SLCO3A1: variants seen among roughly 807,000 people sequenced by gnomAD.
SLCO3A1 encodes PGE1 transporter.
Under a neutral mutation model 63.1 loss-of-function variants are expected in SLCO3A1, and 27 were observed. The observed-to-expected ratio is 0.43, with a 90% CI of 0.32 to 0.59. The LOEUF (loss-of-function observed/expected upper bound fraction) is 0.59. Ranked by LOEUF, SLCO3A1 falls within the 20% of genes least tolerant of loss-of-function variation. The pLI is 0.09. For synonymous variants in SLCO3A1, 473 were observed against 409.9 expected (o/e 1.15, Z -1.86); for missense variants, 773 against 945.8 (o/e 0.82, Z 2.40).
intron 2 of SLCO3A1, among the ~76,000 whole-genome samples, chr15:91,925,794 A>C (rs533925432): frequency 6.6e-6 from 1 of 152,238 alleles, no homozygotes; most frequent in African/African-American, 2.4e-5. Flanking sequence ...TTGCCTACAG[A>C]GAAAAGTAGA....
At chr15:92,070,785 C>CT (rs2047206988) in intron 2 of SLCO3A1, among the ~76,000 whole-genome samples, 1 of 152,118 alleles carries the variant, frequency 6.6e-6, no homozygotes, top group African/African-American at 2.4e-5. Context: ...TGAGAGGTAT[C>CT]TGTGCCTTCA....
rs143455024 is a variant in SLCO3A1, at chr15:91,958,465, G to A, written c.646+42007G>A. On this transcript the variant is annotated intron_variant, in intron 2 of 9. Transcript: ENST00000318445. ...TGAATGCCGCCTCTCCCATTTCCCA[G>A]TCGGGTAATGCTGGGCAAGTTAACT... Among the ~76,000 whole-genome samples the A allele has an allele frequency of 5.6e-3, 859 of 152,308 alleles. 14 individuals are homozygous for A. Among genetic ancestry groups the A allele is most frequent in the African/African-American group, 0.02 (823 of 41,558 alleles).
rs1192152224 is a variant in SLCO3A1 at position 91,967,500 on chromosome 15, T to C, written c.646+51042T>C. Among the ~76,000 whole-genome samples, 4 of 152,216 alleles carry C rather than the reference T, an allele frequency of 2.6e-5. No individual in the cohort carries two copies. Among genetic ancestry groups the C allele is most frequent in the Non-Finnish European group, 5.9e-5 (4 of 68,036 alleles). ...TGTCTCCCCACCTCTCCTGTAGGAC[T>C]GAGGTGCCGTTGTGGGGACATAACG... On this transcript the variant is annotated intron_variant, in intron 2 of 9. Transcript: ENST00000318445. The surrounding 1 kb of genome is among the most constrained non-coding windows in gnomAD (Gnocchi z 4.4).
chr15:91,913,983 C>G (rs1279274547), intron 1 of SLCO3A1, among the ~76,000 whole-genome samples: 1 of 152,168 alleles, frequency 6.6e-6, no homozygotes, highest in Non-Finnish European at 1.5e-5. Flanking sequence ...CCATTCACCA[C>G]ACCTGGTGTG....
intron 2 of SLCO3A1, among the ~76,000 whole-genome samples, chr15:92,063,563 A>G (rs1293397135): frequency 6.6e-6 from 1 of 152,172 alleles, no homozygotes; most frequent in Non-Finnish European, 1.5e-5. Flanking sequence ...GTGTAATGAA[A>G]CTTTTTAAAA....
chr15:91,959,615 C>T (rs1254300766), intron 2 of SLCO3A1, among the ~76,000 whole-genome samples: 1 of 150,046 alleles, frequency 6.7e-6, no homozygotes, highest in East Asian at 2.0e-4. Context: ...ACCTGTAATC[C>T]CAGGAAGCTG....
intron 1 of SLCO3A1, among the ~76,000 whole-genome samples, chr15:91,864,788 G>C (rs2141844857): frequency 6.6e-6 from 1 of 152,258 alleles, no homozygotes; most frequent in East Asian, 1.9e-4. Flanking sequence ...CTGTCGCCTT[G>C]GTGCTGCTTT....
intron 2 of SLCO3A1, among the ~76,000 whole-genome samples, chr15:91,957,101 AATAT>A (rs371356916): frequency 1.1e-3 from 1 of 870 alleles, no homozygotes; most frequent in African/African-American, 7.8e-3. Flanking sequence ...TAATATATAT[AATAT>A]ATATATATAT....
At chr15:92,167,534 A>C (rs6496899), downstream of SLCO3A1, among the ~76,000 whole-genome samples, 124,490 of 152,236 alleles carry the variant, frequency 0.82, 51,642 homozygotes, top group African/African-American at 0.95. Flanking sequence ...TGCTACTCTC[A>C]CAACAGCCGC....
intron 2 of SLCO3A1, among the ~76,000 whole-genome samples, chr15:91,989,767 A>C (rs1281222581): frequency 6.6e-6 from 1 of 152,250 alleles, no homozygotes; most frequent in African/African-American, 2.4e-5. Context: ...CATGAATATC[A>C]CAAAATAGTT....
chr15:91,866,581 AAAAAAAAAAAG>A (rs1195484616), intron 1 of SLCO3A1, among the ~76,000 whole-genome samples: 3 of 151,118 alleles, frequency 2.0e-5, no homozygotes, highest in Non-Finnish European at 4.4e-5. Flanking sequence ...TTTTTAAAAA[AAAAAAAAAAAG>A]AAAAAAAAAA....
chr15:92,001,077 T>G (rs1244601502), intron 2 of SLCO3A1, among the ~76,000 whole-genome samples: 2 of 152,190 alleles, frequency 1.3e-5, no homozygotes, highest in Non-Finnish European at 2.9e-5. Context: ...ATACCTCATT[T>G]TCAGCCATTC....
At chr15:91,876,079 C>T (rs1897391960) in intron 1 of SLCO3A1, among the ~76,000 whole-genome samples, 2 of 152,182 alleles carry the variant, frequency 1.3e-5, no homozygotes, top group Admixed American at 1.3e-4. Context: ...ACAAGGTGGA[C>T]AGATAGTTTG....
intron 3 of SLCO3A1, among the ~76,000 whole-genome samples, chr15:92,096,718 G>A (rs1290995719): frequency 5.9e-5 from 9 of 151,980 alleles, no homozygotes; most frequent in Admixed American, 1.3e-4. Flanking sequence ...AATCCAAGTC[G>A]CTTTGTGATT....
At chr15:92,145,630 A>G (rs986801525) in intron 7 of SLCO3A1, among the ~76,000 whole-genome samples, 1 of 152,122 alleles carries the variant, frequency 6.6e-6, no homozygotes, top group African/African-American at 2.4e-5. Flanking sequence ...GGGAGGCAGT[A>G]TCTGAGCTGG....
rs957462957 is a variant in SLCO3A1, at chr15:92,033,577, C to T, written c.647-61304C>T. ...GTTCGTTCAGCCCGAGCTTCCACAGCACACCACATGCTAGCTTAAGAGCTG... is the reference window on the plus strand; with the variant it reads ...GTTCGTTCAGCCCGAGCTTCCACAGTACACCACATGCTAGCTTAAGAGCTG... On this transcript the variant is annotated intron_variant, in intron 2 of 9. Transcript: ENST00000318445. This position sits in a 1 kb window ranked among gnomAD's most constrained non-coding sequence, Gnocchi z 4.5. 3.3e-5 allele frequency among the ~76,000 whole-genome samples: 5 copies of T among 152,214 alleles called. No individual in the cohort carries two copies. Among genetic ancestry groups the T allele is most frequent in the African/African-American group, 7.2e-5 (3 of 41,444 alleles).
chr15:92,047,522 A>ATAAATAT (rs1567087769), intron 2 of SLCO3A1, among the ~76,000 whole-genome samples: 7 of 27,828 alleles, frequency 2.5e-4, no homozygotes, highest in African/African-American at 7.6e-4. Flanking sequence ...TAAATACATA[A>ATAAATAT]ATAAATATAT....
intron 2 of SLCO3A1, among the ~76,000 whole-genome samples, chr15:91,983,538 A>C (rs1256003822): frequency 2.0e-5 from 3 of 152,166 alleles, no homozygotes; most frequent in African/African-American, 7.2e-5. Flanking sequence ...GAGAACTGAA[A>C]TCCATCAGAA....
At chr15:92,062,803 T>C (rs1286176730) in intron 2 of SLCO3A1, among the ~76,000 whole-genome samples, 1 of 152,184 alleles carries the variant, frequency 6.6e-6, no homozygotes, top group African/African-American at 2.4e-5. Flanking sequence ...TGCTGGATGC[T>C]CATTAAGGCT....
Sources: allele counts gnomAD v4.1 joint callset (sites outside exome capture counted in the v4.1 genomes callset), GRCh38; gene constraint gnomAD v4.1.1; non-coding constraint Gnocchi (gnomAD v3.1); transcripts MANE v1.5; gene names NCBI Gene and HGNC (gene_info 2026-07-23, HGNC 2026-07-21).